The following KCNJ6 variants were observed in gnomAD, a reference collection of about 807,000 sequenced individuals.
The protein encoded by KCNJ6 is potassium inwardly rectifying channel subfamily J member 6, also known as G protein-activated inward rectifier potassium channel 2.
KCNJ6 carries 9 observed loss-of-function variants against 34.2 expected under a neutral mutation model. The ratio of observed to expected loss-of-function variants is 0.26; its 90% confidence interval spans 0.16 to 0.46. KCNJ6 has a LOEUF of 0.46. Among genes scored for constraint, KCNJ6 ranks in the 20% least tolerant of loss-of-function variants. The pLI is 1.00. For synonymous variants in KCNJ6, 196 were observed against 207.1 expected (o/e 0.95, Z 0.46); for missense variants, 236 against 531.3 (o/e 0.44, Z 5.46).
chr21:37,774,621 T>C (rs1309713949), intron 2 of KCNJ6, among the ~76,000 whole-genome samples: 1 of 151,216 alleles, frequency 6.6e-6, no homozygotes, highest in Non-Finnish European at 1.5e-5. Context: ...GTCCTTGCCA[T>C]AGTTTGCTGA....
In KCNJ6 at chr21:37,617,063, TTTTC is replaced by T. The variant is rs2054273115; in HGVS notation, c.*8092_*8095del. On this transcript the variant is annotated 3_prime_UTR_variant, in exon 4 of 4. Transcript: ENST00000609713. ...TTCTTTCTTTCTTTCTTTTCTTTTCTTTTCTTTTCTTTTCTTTCTTTTTCTTTCT... is the reference window on the plus strand; with the variant it reads ...TTCTTTCTTTCTTTCTTTTCTTTTCTTTTTCTTTTCTTTCTTTTTCTTTCT... The T allele has an allele frequency of 6.0e-5, 5 of 83,766 alleles. No individual in the cohort carries two copies. The highest frequency in any genetic ancestry group is 1.2e-4 in the Non-Finnish European group (4 of 32,010). 5.2% of individuals were successfully genotyped at this position (83,766 alleles called of 1,614,324 possible). A position where few individuals can be genotyped will look rare whatever the true frequency, so the allele number is the denominator to read the frequency against.
intron 1 of KCNJ6, among the ~76,000 whole-genome samples, chr21:37,914,667 G>A (rs185067865): frequency 6.6e-6 from 1 of 152,322 alleles, no homozygotes; most frequent in East Asian, 1.9e-4. Context: ...GGCAAAATGG[G>A]CGAAGCTCAG....
chr21:37,738,776 T>C (rs1202318561), intron 2 of KCNJ6, among the ~76,000 whole-genome samples: 2 of 152,232 alleles, frequency 1.3e-5, no homozygotes, highest in East Asian at 3.8e-4. Flanking sequence ...GGGCCCTGCA[T>C]TGACTTGGAT....
intron 2 of KCNJ6, among the ~76,000 whole-genome samples, chr21:37,832,094 CAATAATCAGA>C (rs1438130107): frequency 6.7e-6 from 1 of 149,312 alleles, no homozygotes; most frequent in Middle Eastern, 3.2e-3. Flanking sequence ...GCTCATTAGA[CAATAATCAGA>C]AATAAAACAT....
chr21:37,833,246 C>A (rs1369988069), intron 2 of KCNJ6, among the ~76,000 whole-genome samples: 4 of 152,094 alleles, frequency 2.6e-5, no homozygotes, highest in Non-Finnish European at 5.9e-5. Context: ...AACTCCTGAC[C>A]TCAGGTGACC....
chr21:37,897,766 G>A (rs938205160), intron 1 of KCNJ6, among the ~76,000 whole-genome samples: 2 of 152,186 alleles, frequency 1.3e-5, no homozygotes, highest in Non-Finnish European at 2.9e-5. Context: ...CTGGACAATC[G>A]CATGTGTCCA....
intron 2 of KCNJ6, among the ~76,000 whole-genome samples, chr21:37,735,366 T>C (rs1048949123): frequency 1.3e-5 from 2 of 152,170 alleles, no homozygotes; most frequent in African/African-American, 4.8e-5. Flanking sequence ...CTTCACCCAC[T>C]CCAGTTTTTC....
rs1329794875 is a variant in KCNJ6, at chr21:37,622,510, A to G, written c.*2649T>C. ...CTGTAGAAAAATAGACATGTTTGAT[A>G]GGGACATTCTAGTAAAAGGTTCTTC... On this transcript the variant is annotated 3_prime_UTR_variant, in exon 4 of 4. Transcript: ENST00000609713. 6.6e-6 allele frequency: 1 copy of G among 152,264 alleles called. No individual in the cohort carries two copies. The highest frequency in any genetic ancestry group is 1.5e-5 in the Non-Finnish European group (1 of 68,048). 9.4% of individuals were successfully genotyped at this position (152,264 alleles called of 1,614,324 possible). A position where few individuals can be genotyped will look rare whatever the true frequency, so the allele number is the denominator to read the frequency against.
At chr21:37,832,429 C>T (rs535166781) in intron 2 of KCNJ6, among the ~76,000 whole-genome samples, 1 of 152,150 alleles carries the variant, frequency 6.6e-6, no homozygotes, top group African/African-American at 2.4e-5. Context: ...AACTCCCAGC[C>T]CAGCTACAGG....
chr21:37,883,423 C>A (rs763460775), intron 1 of KCNJ6, among the ~76,000 whole-genome samples: 3 of 152,150 alleles, frequency 2.0e-5, no homozygotes, highest in Non-Finnish European at 4.4e-5. Context: ...TTAGCCCCAG[C>A]AGGATTGAGC....
At chr21:37,682,793 C>T (rs749388419) in intron 3 of KCNJ6, among the ~76,000 whole-genome samples, 4 of 152,142 alleles carry the variant, frequency 2.6e-5, no homozygotes, top group Non-Finnish European at 5.9e-5. Context: ...CCTCTGTCCG[C>T]CCAGGGGTGT....
chr21:37,836,866 T>C (rs2055454286), intron 2 of KCNJ6, among the ~76,000 whole-genome samples: 1 of 152,136 alleles, frequency 6.6e-6, no homozygotes, highest in Non-Finnish European at 1.5e-5. Context: ...TCTGCACATG[T>C]ATCCCAGAAC....
rs2054677689 is a variant in KCNJ6 at position 37,699,133 on chromosome 21, C to A, written c.946+15078G>T. Among the ~76,000 whole-genome samples the A allele has an allele frequency of 2.6e-5, 4 of 152,308 alleles. No homozygotes were observed. The South Asian group carries it at 8.3e-4, about 32-fold the overall frequency. ...TGTTGTGACGGAGACTATCCACAAA[C>A]CCTGAAATATTTACAATCTGGCCTT... is the stretch of plus-strand genomic sequence containing the variant. On this transcript the variant is annotated intron_variant, in intron 3 of 3. Coordinates refer to ENST00000609713, the MANE Select transcript of KCNJ6 (RefSeq NM_002240.5).
intron 2 of KCNJ6, among the ~76,000 whole-genome samples, chr21:37,830,956 C>T (rs2055422935): frequency 6.6e-6 from 1 of 152,116 alleles, no homozygotes; most frequent in Non-Finnish European, 1.5e-5. Flanking sequence ...AGATCCTGGG[C>T]AGTGAGTGCA....
chr21:37,809,802 C>T (rs534502346), intron 2 of KCNJ6, among the ~76,000 whole-genome samples: 5 of 152,108 alleles, frequency 3.3e-5, no homozygotes, highest in Non-Finnish European at 7.4e-5. Context: ...TTGTAGCCTT[C>T]CTTGCGATAC....
chr21:37,845,631 T>A (rs1219108535), intron 1 of KCNJ6, among the ~76,000 whole-genome samples: 1 of 152,244 alleles, frequency 6.6e-6, no homozygotes, highest in East Asian at 1.9e-4. Flanking sequence ...TGTGGGTTTG[T>A]AATCATTATT....
rs2054244871 is a variant in KCNJ6, at chr21:37,612,160, A to G, written c.*12999T>C. 1 of 152,250 alleles carries G rather than the reference A, an allele frequency of 6.6e-6. No homozygotes were observed. The highest frequency in any genetic ancestry group is 1.5e-5 in the Non-Finnish European group (1 of 68,040). 9.4% of individuals were successfully genotyped at this position (152,250 alleles called of 1,614,324 possible). A position where few individuals can be genotyped will look rare whatever the true frequency, so the allele number is the denominator to read the frequency against. ...CTGGAACTAATAAGGGATTATAGCA[A>G]GATTTTAGGATTCAAAGTTAATATA... On this transcript the variant is annotated 3_prime_UTR_variant, in exon 4 of 4. Coordinates refer to ENST00000609713, the MANE Select transcript of KCNJ6 (RefSeq NM_002240.5).
At chr21:37,670,937 T>C (rs564522401) in intron 3 of KCNJ6, among the ~76,000 whole-genome samples, 1 of 152,372 alleles carries the variant, frequency 6.6e-6, no homozygotes, top group South Asian at 2.1e-4. Context: ...ATTTCATTTT[T>C]TGGATGCTAT....
rs2054456834 is a variant in KCNJ6 at position 37,655,233 on chromosome 21, G to GAA, written c.947-29750_947-29749insTT. Among the ~76,000 whole-genome samples the GAA allele has an allele frequency of 4.0e-3, 10 of 2,486 alleles. 1 individual carries two copies. Among genetic ancestry groups the GAA allele is most frequent in the Non-Finnish European group, 9.8e-3 (9 of 922 alleles). The allele number at this position is 2,486 out of a possible 152,430, so 1.6% of individuals were successfully genotyped here. A position where few individuals can be genotyped will look rare whatever the true frequency, so the allele number is the denominator to read the frequency against. On this transcript the variant is annotated intron_variant, in intron 3 of 3. Coordinates refer to ENST00000609713, the MANE Select transcript of KCNJ6 (RefSeq NM_002240.5). ...TGTGTGTGTGTGTGTGTGAGAGAGA[G>GAA]AGAGAGAGAGAGAGAGAGAGAGAGA...
Sources: gnomAD v4.1 joint callset for allele counts (sites outside exome capture counted in the v4.1 genomes callset) on GRCh38, gnomAD v4.1.1 for gene constraint, MANE v1.5 for transcripts, NCBI Gene and HGNC (gene_info 2026-07-23, HGNC 2026-07-21) for gene names.